PSTPIP1: variants seen among roughly 807,000 people sequenced by gnomAD.
The protein encoded by PSTPIP1 is proline-serine-threonine phosphatase interacting protein 1, also known as proline-serine-threonine phosphatase-interacting protein 1.
A neutral mutation model predicts 69.6 loss-of-function variants in PSTPIP1; 66 were observed. The observed-to-expected ratio is 0.95, with a 90% CI of 0.78 to 1.16. The LOEUF (loss-of-function observed/expected upper bound fraction) is 1.16, where lower values mean the gene tolerates loss of function less well. Ranked by LOEUF, PSTPIP1 falls within the 50% of genes most tolerant of loss-of-function variation. The pLI is 0.00. For synonymous variants in PSTPIP1, 266 were observed against 222.7 expected, an observed-to-expected ratio of 1.19 and a Z score of -1.73; for missense variants, 603 against 557.4, an observed-to-expected ratio of 1.08 and a Z score of -0.82.
At chr15:77,019,526 G>A (rs1453147799) in intron 3 of PSTPIP1, among the ~76,000 whole-genome samples, 1 of 152,198 alleles carries the variant, frequency 6.6e-6, no homozygotes, top group Non-Finnish European at 1.5e-5. Context: ...AGGCTTAGAT[G>A]TGGCATGAGC....
chr15:77,025,458 G>A (rs1233720472), intron 4 of PSTPIP1, 40 bp from the exon 5 acceptor site: 1 of 1,584,578 alleles, frequency 6.3e-7, no homozygotes, highest in Non-Finnish European at 8.6e-7. Context: ...AGGCCCATCA[G>A]ATCTGACACT....
At chr15:77,028,446 C>T in intron 6 of PSTPIP1, 108 bp from the exon 7 acceptor site, 4 of 980,896 alleles carry the variant, frequency 4.1e-6, no homozygotes, top group Non-Finnish European at 4.4e-6. Flanking sequence ...CCACTCCACC[C>T]GCAACCCTCG....
chr15:77,036,492 A>G (rs918617563), intron 14 of PSTPIP1, among the ~76,000 whole-genome samples: 3 of 152,142 alleles, frequency 2.0e-5, no homozygotes, highest in Admixed American at 2.0e-4. Flanking sequence ...CAGGGCAGCT[A>G]TGAGAGTCCT....
At chr15:77,033,496 C>T (rs1040552755) in intron 12 of PSTPIP1, among the ~76,000 whole-genome samples, 13 of 152,136 alleles carry the variant, frequency 8.5e-5, no homozygotes, top group African/African-American at 3.1e-4. Context: ...CCTTGAGTGA[C>T]GAAGGTGACA....
At chr15:77,020,741 C>G (rs758707523) in intron 3 of PSTPIP1, among the ~76,000 whole-genome samples, 1 of 152,196 alleles carries the variant, frequency 6.6e-6, no homozygotes, top group Non-Finnish European at 1.5e-5. Context: ...TCCCAGACAC[C>G]TTGCCTTGCC....
upstream of PSTPIP1, chr15:76,995,108 C>T (rs2075543276): frequency 8.5e-7 from 1 of 1,175,318 alleles, no homozygotes; most frequent in Non-Finnish European, 1.1e-6. Flanking sequence ...CCTGTGCCTG[C>T]CCCGGGGGAG....
chr15:77,011,195 A>G (rs1390013058), intron 1 of PSTPIP1, among the ~76,000 whole-genome samples: 2 of 152,244 alleles, frequency 1.3e-5, no homozygotes, highest in Admixed American at 6.5e-5. Context: ...CCTCATCTTC[A>G]TGACAGACAG....
At chr15:77,013,429 C>T (rs999492629) in intron 1 of PSTPIP1, among the ~76,000 whole-genome samples, 2 of 152,164 alleles carry the variant, frequency 1.3e-5, no homozygotes, top group African/African-American at 4.8e-5. Flanking sequence ...GGGCACAGGC[C>T]GTGACTGTAA....
At chr15:77,025,975 G>C (rs2076272134) in intron 5 of PSTPIP1, 1 of 423,928 alleles carries the variant, frequency 2.4e-6, no homozygotes, top group Non-Finnish European at 4.7e-6. Context: ...CAAGGATCAG[G>C]GCTGATTGTC....
At chr15:77,024,266 C>G (rs1465899826) in intron 3 of PSTPIP1, 1 of 152,254 alleles carries the variant, frequency 6.6e-6, no homozygotes, top group Non-Finnish European at 1.5e-5. Context: ...TTGGGATCCA[C>G]GAGTTTAGGG....
intron 1 of PSTPIP1, 124 bp from the exon 2 acceptor site, chr15:77,018,024 C>T (rs370462764): frequency 3.6e-5 from 34 of 955,462 alleles, no homozygotes; most frequent in African/African-American, 2.1e-4. Flanking sequence ...AAGAGCTTGC[C>T]CTGAGCAGGG....
chr15:77,034,171 G>A (rs945836282), intron 12 of PSTPIP1, among the ~76,000 whole-genome samples: 1 of 143,468 alleles, frequency 7.0e-6, no homozygotes, highest in Non-Finnish European at 1.5e-5. Flanking sequence ...CTGGGAGTCA[G>A]AAGTGTAGAC....
At chr15:77,031,417 G>A in intron 10 of PSTPIP1, 139 bp downstream of exon 10, 2 of 862,436 alleles carry the variant, frequency 2.3e-6, no homozygotes, top group Non-Finnish European at 3.7e-6. Flanking sequence ...GGCCTCAGCA[G>A]CTCAGCCTTT....
At chr15:77,030,636 A>G in intron 9 of PSTPIP1, 55 bp downstream of exon 9, 1 of 1,514,130 alleles carries the variant, frequency 6.6e-7, no homozygotes, top group Non-Finnish European at 9.0e-7. Context: ...TGAGACGCCC[A>G]TCCCTACTCC....
intron 1 of PSTPIP1, among the ~76,000 whole-genome samples, chr15:77,012,674 C>G (rs1377255382): frequency 6.6e-6 from 1 of 152,212 alleles, no homozygotes; most frequent in Non-Finnish European, 1.5e-5. Context: ...TACCCATTGA[C>G]TTAGCATCCC....
At chr15:77,004,581 T>A (rs1057129306) in intron 1 of PSTPIP1, among the ~76,000 whole-genome samples, 2 of 151,602 alleles carry the variant, frequency 1.3e-5, no homozygotes, top group African/African-American at 4.9e-5. Context: ...TGGCCAGGCG[T>A]GGTGGCTCAC....
chr15:77,029,380 G>T lies in PSTPIP1; in HGVS notation c.517-149G>T, dbSNP rs115670384. On this transcript the variant is annotated intron_variant, in intron 7 of 14. Coordinates refer to ENST00000558012, the MANE Select transcript of PSTPIP1 (RefSeq NM_003978.5). Reference sequence around the variant, plus strand: ...CTGTGGTCCTCTGTGGGCGGAGGTTGCTTGTGGATGATGGCATCTGCCCAT... The same window carrying T: ...CTGTGGTCCTCTGTGGGCGGAGGTTTCTTGTGGATGATGGCATCTGCCCAT... The T allele has an allele frequency of 2.6e-3, 2,179 of 845,524 alleles. 24 individuals carry two copies. The African/African-American group carries it at 0.032, about 12-fold the overall frequency. The allele number at this position is 845,524 out of a possible 1,614,324, so 52.4% of individuals were successfully genotyped here. A position where few individuals can be genotyped will look rare whatever the true frequency, so the allele number is the denominator to read the frequency against.
At chr15:76,996,108 GC>G (rs1437989739) in intron 1 of PSTPIP1, among the ~76,000 whole-genome samples, 3 of 152,172 alleles carry the variant, frequency 2.0e-5, no homozygotes, top group Admixed American at 2.0e-4. Flanking sequence ...AGGCACTAAA[GC>G]CCCCAGCACC....
At chr15:77,011,406 G>A (rs759648309) in intron 1 of PSTPIP1, among the ~76,000 whole-genome samples, 8 of 152,214 alleles carry the variant, frequency 5.3e-5, no homozygotes, top group Non-Finnish European at 8.8e-5. Context: ...TCTGGGACTC[G>A]GCCAGCTGGG....
Sources: gnomAD v4.1 joint callset for allele counts (sites outside exome capture counted in the v4.1 genomes callset) on GRCh38, gnomAD v4.1.1 for gene constraint, MANE v1.5 for transcripts, NCBI Gene and HGNC (gene_info 2026-07-23, HGNC 2026-07-21) for gene names.